The following ERC1 variants were observed in gnomAD, a reference collection of about 807,000 sequenced individuals.
ERC1 encodes ELKS/RAB6-interacting/CAST family member 1.
A neutral mutation model predicts 132.0 loss-of-function variants in ERC1; 56 were observed. That is an observed-to-expected ratio of 0.42 (90% CI 0.34 to 0.53). ERC1 has a LOEUF of 0.53. Among genes scored for constraint, ERC1 ranks in the 20% least tolerant of loss-of-function variants. The pLI, the probability that ERC1 is intolerant of heterozygous loss-of-function variation, is 0.03. For missense variants in ERC1, 1,202 were observed against 1,349.9 expected (o/e 0.89, Z 1.72); for synonymous variants, 478 against 476.1 (o/e 1.00, Z -0.05).
At chr12:1,012,913 C>T (rs1366882055) in intron 1 of ERC1, among the ~76,000 whole-genome samples, 1 of 152,112 alleles carries the variant, frequency 6.6e-6, no homozygotes, top group Non-Finnish European at 1.5e-5. Context: ...CTTCATTAAA[C>T]ACTTTGGGAT....
chr12:1,022,457 C>G (rs976109148), intron 1 of ERC1, among the ~76,000 whole-genome samples: 1 of 152,150 alleles, frequency 6.6e-6, no homozygotes, highest in Non-Finnish European at 1.5e-5. Context: ...TGCAGCTTAT[C>G]AAGCTGATTT....
At chr12:1,019,523 C>T (rs1592729921) in intron 1 of ERC1, among the ~76,000 whole-genome samples, 1 of 152,178 alleles carries the variant, frequency 6.6e-6, no homozygotes, top group African/African-American at 2.4e-5. Context: ...CACTATCATG[C>T]ACTTGTGAGA....
intron 15 of ERC1, among the ~76,000 whole-genome samples, chr12:1,344,462 G>A (rs1045934042): frequency 6.6e-6 from 1 of 152,284 alleles, no homozygotes; most frequent in African/African-American, 2.4e-5. Context: ...CCACATGAAG[G>A]CTTGTGCTGT....
At chr12:1,157,950 A>G (rs1212703796) in intron 8 of ERC1, among the ~76,000 whole-genome samples, 1 of 152,246 alleles carries the variant, frequency 6.6e-6, no homozygotes, top group African/African-American at 2.4e-5. Context: ...CAAACTGTCC[A>G]AAACTGATAA....
rs115718068 is a variant in ERC1 at position 1,165,190 on chromosome 12, C to T, written c.1738-15350C>T. Among the ~76,000 whole-genome samples, 672 of 152,252 alleles carry T rather than the reference C, an allele frequency of 4.4e-3. 3 individuals carry two copies. The highest frequency in any genetic ancestry group is 0.015 in the African/African-American group (629 of 41,536). On this transcript the variant is annotated intron_variant, in intron 8 of 18. Transcript: ENST00000360905. ...GGCAATTCACCTTGGGTGAGAAGCA[C>T]GACTGTCTAGATGGAAACTCTTGTG...
chr12:1,172,734 G>A (rs1953211480), intron 8 of ERC1, among the ~76,000 whole-genome samples: 1 of 151,046 alleles, frequency 6.6e-6, no homozygotes, highest in South Asian at 2.1e-4. Context: ...ATTATAAAAT[G>A]TATCCTTTTC....
At chr12:1,258,712 T>C (rs2076960787) in intron 13 of ERC1, among the ~76,000 whole-genome samples, 1 of 151,850 alleles carries the variant, frequency 6.6e-6, no homozygotes, top group Non-Finnish European at 1.5e-5. Context: ...TTAAAAAATG[T>C]TGTTATTTAG....
chr12:1,058,787 A>ACG lies in ERC1; in HGVS notation c.670-24377_670-24376insCG, dbSNP rs1555220532. Reference sequence around the variant, plus strand: ...GAATCTATAGTTTGCTTTGGAAAGTATGTTTTTTTTTTTTTTTTTTAAGAG... The same window carrying ACG: ...GAATCTATAGTTTGCTTTGGAAAGTACGTGTTTTTTTTTTTTTTTTTTAAGAG... On this transcript the variant is annotated intron_variant, in intron 2 of 18. Coordinates refer to ENST00000360905, the MANE Select transcript of ERC1 (RefSeq NM_178040.4). 7.0e-4 allele frequency among the ~76,000 whole-genome samples: 29 copies of ACG among 41,588 alleles called. 1 individual carries two copies. In the Admixed American group the frequency reaches 0.012, roughly 17 times the overall value. The allele number at this position is 41,588 out of a possible 152,430, so 27.3% of individuals were successfully genotyped here.
intron 14 of ERC1, among the ~76,000 whole-genome samples, chr12:1,271,856 G>A (rs1313655375): frequency 6.6e-6 from 1 of 152,098 alleles, no homozygotes; most frequent in Non-Finnish European, 1.5e-5. Flanking sequence ...TTTCCCCCAG[G>A]CTTGCTCATC....
chr12:1,471,913 T>C (rs1350761913), intron 18 of ERC1, among the ~76,000 whole-genome samples: 1 of 152,190 alleles, frequency 6.6e-6, no homozygotes, highest in African/African-American at 2.4e-5. Flanking sequence ...TAGATACATA[T>C]TAAGTTTTCC....
chr12:1,152,353 G>A (rs71454819), intron 8 of ERC1: 11,093 of 152,266 alleles, frequency 0.073, 586 homozygotes, highest in Non-Finnish European at 0.11. Flanking sequence ...TTGTTTGAAA[G>A]TAAATTTCCT....
intron 2 of ERC1, among the ~76,000 whole-genome samples, chr12:1,038,850 G>A (rs550635788): frequency 6.6e-6 from 1 of 152,266 alleles, no homozygotes; most frequent in African/African-American, 2.4e-5. Flanking sequence ...AGAAGACCTG[G>A]ATTAAACAGG....
chr12:1,435,756 T>C (rs2092929681), intron 17 of ERC1, among the ~76,000 whole-genome samples: 1 of 152,226 alleles, frequency 6.6e-6, no homozygotes, highest in African/African-American at 2.4e-5. Flanking sequence ...GAGAAACAGT[T>C]TTCTGGCTGT....
intron 14 of ERC1, among the ~76,000 whole-genome samples, chr12:1,266,106 G>A (rs2077459025): frequency 6.6e-6 from 1 of 152,126 alleles, no homozygotes; most frequent in African/African-American, 2.4e-5. Context: ...AGATCATATG[G>A]TAGGAGTTTT....
rs1340367241 is a variant in ERC1, at chr12:1,488,825, CT to C, written c.3214-1264del. Among the ~76,000 whole-genome samples the C allele has an allele frequency of 6.6e-5, 10 of 152,312 alleles. 2 individuals carry two copies. The highest frequency in any genetic ancestry group is 2.4e-4 in the African/African-American group (10 of 41,564). Reference sequence around the variant, plus strand: ...GTTCTCCCTCACTTGACACCTCCTCCTTTTAGTCCTGCCTTTTGAAGAGGCT... The same window carrying C: ...GTTCTCCCTCACTTGACACCTCCTCCTTTAGTCCTGCCTTTTGAAGAGGCT... On this transcript the variant is annotated intron_variant, in intron 18 of 18. Transcript: ENST00000360905.
intron 7 of ERC1, among the ~76,000 whole-genome samples, chr12:1,123,049 C>G (rs1331251070): frequency 6.6e-6 from 1 of 152,116 alleles, no homozygotes; most frequent in Non-Finnish European, 1.5e-5. Flanking sequence ...TGAGATGGCA[C>G]TGCTTACGGT....
intron 15 of ERC1, among the ~76,000 whole-genome samples, chr12:1,298,685 G>C (rs1402506512): frequency 6.6e-6 from 1 of 151,054 alleles, no homozygotes; most frequent in Non-Finnish European, 1.5e-5. Flanking sequence ...AACAACAAAT[G>C]AATGACATAA....
Position 1,492,454 on chromosome 12 carries a change from G to A in ERC1, c.*2224G>A, listed in dbSNP as rs772156324. The A allele has an allele frequency of 1.5e-4, 36 of 233,078 alleles. No individual in the cohort carries two copies. The highest frequency in any genetic ancestry group is 2.7e-4 in the Non-Finnish European group (32 of 118,030). The allele number at this position is 233,078 out of a possible 1,614,324, so 14.4% of individuals were successfully genotyped here. ...CATGCCTAAACAAGTGGTCTGGCAC[G>A]GGCACTGGCCAGCTGCTCTCTCCAA... is the stretch of plus-strand genomic sequence containing the variant. On this transcript the variant is annotated 3_prime_UTR_variant, in exon 19 of 19. Coordinates refer to ENST00000360905, the MANE Select transcript of ERC1 (RefSeq NM_178040.4).
At chr12:1,291,088 G>A (rs1358309003) in intron 15 of ERC1, among the ~76,000 whole-genome samples, 1 of 152,196 alleles carries the variant, frequency 6.6e-6, no homozygotes, top group Non-Finnish European at 1.5e-5. Context: ...GAGCTGTACA[G>A]AATCTTGCCA....
Sources: allele counts gnomAD v4.1 joint callset (sites outside exome capture counted in the v4.1 genomes callset), GRCh38; gene constraint gnomAD v4.1.1; transcripts MANE v1.5; gene names NCBI Gene and HGNC (gene_info 2026-07-23, HGNC 2026-07-21).